WNT7A: variants seen among roughly 807,000 people sequenced by gnomAD.
The protein encoded by WNT7A is Wnt family member 7A.
WNT7A carries 16 observed loss-of-function variants against 28.2 expected under a neutral mutation model. That is an observed-to-expected ratio of 0.57 (90% CI 0.38 to 0.86). The LOEUF (loss-of-function observed/expected upper bound fraction) is 0.86, where lower values mean the gene tolerates loss of function less well. Among genes scored for constraint, WNT7A ranks in the 40% least tolerant of loss-of-function variants. WNT7A has a pLI of 0.00. For missense variants in WNT7A, 411 were observed against 489.7 expected (o/e 0.84, Z 1.52); for synonymous variants, 190 against 195.9 (o/e 0.97, Z 0.25).
chr3:13,819,022 G>A lies in WNT7A; in HGVS notation c.972C>T (p.Cys324=), dbSNP rs1275667778. ...NTHQYARVWQ[C]NCKFHWCCYV... ...AGCAGCACCAGTGGAACTTACAGTTGCACTGCCACACGCGGGCGTACTGGT... is the reference window on the plus strand; with the variant it reads ...AGCAGCACCAGTGGAACTTACAGTTACACTGCCACACGCGGGCGTACTGGT... Residue 324 remains cysteine, a synonymous_variant, in exon 4 of 4, where the codon TGC becomes TGT. Coordinates refer to ENST00000285018, the MANE Select transcript of WNT7A (RefSeq NM_004625.4). The A allele has an allele frequency of 1.2e-6, 2 of 1,612,198 alleles. No individual in the cohort carries two copies. The highest frequency in any genetic ancestry group is 8.5e-7 in the Non-Finnish European group (1 of 1,178,400).
chr3:13,831,271 C>T (rs148023862), intron 3 of WNT7A, among the ~76,000 whole-genome samples: 136 of 152,314 alleles, frequency 8.9e-4, no homozygotes, highest in Non-Finnish European at 1.2e-3. Context: ...GAGGTAGCTG[C>T]GGTGTCCAGT....
intron 3 of WNT7A, among the ~76,000 whole-genome samples, chr3:13,853,274 T>G (rs1307261932): frequency 6.6e-6 from 1 of 152,014 alleles, no homozygotes; most frequent in East Asian, 1.9e-4. Context: ...CAAGGCAAAC[T>G]CGGAGAAAAG....
chr3:13,874,457 A>G (rs1035186761), intron 2 of WNT7A, among the ~76,000 whole-genome samples: 1 of 152,178 alleles, frequency 6.6e-6, no homozygotes, highest in African/African-American at 2.4e-5. Context: ...ACAGGAATGC[A>G]CAGGACGGGC....
At chr3:13,819,573 G>A in intron 3 of WNT7A, 150 bp from the exon 4 acceptor site, 7 of 1,144,626 alleles carry the variant, frequency 6.1e-6, no homozygotes, top group Non-Finnish European at 8.4e-6. Context: ...CTCAGACCTG[G>A]ATTCTAGGCC....
At chr3:13,871,800 T>C (rs1040926381) in intron 2 of WNT7A, among the ~76,000 whole-genome samples, 5 of 152,108 alleles carry the variant, frequency 3.3e-5, no homozygotes, top group African/African-American at 1.2e-4. Flanking sequence ...AGAGTGATGC[T>C]GCTAAACCCA....
chr3:13,853,411 A>C (rs1186956046), intron 3 of WNT7A, among the ~76,000 whole-genome samples: 1 of 152,194 alleles, frequency 6.6e-6, no homozygotes. Context: ...CTTCGGCCCC[A>C]ACCTGCAGGG....
At chr3:13,821,393 T>G (rs1480503787) in intron 3 of WNT7A, among the ~76,000 whole-genome samples, 2 of 152,220 alleles carry the variant, frequency 1.3e-5, no homozygotes, top group Admixed American at 6.5e-5. Context: ...AGGATGCACA[T>G]GCCTATGACT....
In WNT7A at chr3:13,877,846, C is replaced by T. The variant is rs77482553; in HGVS notation, c.71+1900G>A. Among the ~76,000 whole-genome samples, 839 of 152,300 alleles carry T rather than the reference C, an allele frequency of 5.5e-3. 7 individuals are homozygous for T. Among genetic ancestry groups the T allele is most frequent in the African/African-American group, 0.019 (776 of 41,544 alleles). ...ATCTGATTGTTGCAATAGGCTAGTG[C>T]GGAGTCACCTGAACTATCCGAGCAA... is the stretch of plus-strand genomic sequence containing the variant. On this transcript the variant is annotated intron_variant, in intron 1 of 3. Transcript: ENST00000285018.
intron 3 of WNT7A, among the ~76,000 whole-genome samples, chr3:13,821,971 T>C (rs1174619403): frequency 6.6e-6 from 1 of 152,254 alleles, no homozygotes; most frequent in African/African-American, 2.4e-5. Context: ...ATACAATCAA[T>C]GGCCAACAAG....
At chr3:13,822,745 A>T (rs867324862) in intron 3 of WNT7A, among the ~76,000 whole-genome samples, 1 of 152,234 alleles carries the variant, frequency 6.6e-6, no homozygotes, top group Non-Finnish European at 1.5e-5. Flanking sequence ...TTGTTTTCTT[A>T]AAAAAGGCAA....
chr3:13,862,549 C>G (rs1694847516), intron 2 of WNT7A, among the ~76,000 whole-genome samples: 1 of 152,254 alleles, frequency 6.6e-6, no homozygotes. Flanking sequence ...CGCTTGCCAG[C>G]CCCGTGGCAT....
In WNT7A at chr3:13,817,118, G is replaced by A. The variant is rs533188875; in HGVS notation, c.*1826C>T. ...CTGTGCTGTGGTCTCAGAGGTGTCTGGTTTTCACCCATGGGTGTGGGGACA... is the reference window on the plus strand; with the variant it reads ...CTGTGCTGTGGTCTCAGAGGTGTCTAGTTTTCACCCATGGGTGTGGGGACA... On this transcript the variant is annotated 3_prime_UTR_variant, in exon 4 of 4. Transcript: ENST00000285018. The A allele has an allele frequency of 6.6e-6, 1 of 152,354 alleles. No homozygotes were observed. Among genetic ancestry groups the A allele is most frequent in the African/African-American group, 2.4e-5 (1 of 41,536 alleles). 9.4% of individuals were successfully genotyped at this position (152,354 alleles called of 1,614,324 possible). A position where few individuals can be genotyped will look rare whatever the true frequency, so the allele number is the denominator to read the frequency against.
chr3:13,842,264 G>C (rs763619114), intron 3 of WNT7A, among the ~76,000 whole-genome samples: 1 of 152,188 alleles, frequency 6.6e-6, no homozygotes, highest in Non-Finnish European at 1.5e-5. Flanking sequence ...TAAGACCCTG[G>C]GGTAAGGGGA....
chr3:13,874,267 C>T (rs1695068616), intron 2 of WNT7A, among the ~76,000 whole-genome samples: 1 of 152,228 alleles, frequency 6.6e-6, no homozygotes, highest in African/African-American at 2.4e-5. Flanking sequence ...TGCCACTGAC[C>T]AGGGCCTCCT....
intron 2 of WNT7A, among the ~76,000 whole-genome samples, chr3:13,871,970 C>T (rs1456999800): frequency 6.6e-6 from 1 of 152,126 alleles, no homozygotes; most frequent in East Asian, 1.9e-4. Context: ...CCACCCCAGC[C>T]CCTCGCTGTT....
intron 2 of WNT7A, among the ~76,000 whole-genome samples, chr3:13,872,257 T>A (rs1404833885): frequency 6.6e-6 from 1 of 152,212 alleles, no homozygotes; most frequent in Non-Finnish European, 1.5e-5. Context: ...AATGGATTCC[T>A]ATTCCTATTA....
intron 3 of WNT7A, among the ~76,000 whole-genome samples, chr3:13,823,937 G>T (rs1464960187): frequency 6.6e-6 from 1 of 152,134 alleles, no homozygotes; most frequent in Non-Finnish European, 1.5e-5. Flanking sequence ...TCTCTATACA[G>T]CCCCCGGATT....
At chr3:13,852,337 C>G (rs190664903) in intron 3 of WNT7A, among the ~76,000 whole-genome samples, 3 of 152,192 alleles carry the variant, frequency 2.0e-5, no homozygotes, top group South Asian at 4.1e-4. Context: ...CGAGCCTTTC[C>G]GAGGCTCTCA....
rs367697256 is a variant in WNT7A at position 13,854,703 on chromosome 3, G to A, written c.399C>T (p.Cys133=). 1.7e-4 allele frequency: 281 copies of A among 1,614,000 alleles called. 1 individual carries two copies. In the Admixed American group the frequency reaches 4.5e-3, roughly 26 times the overall value. ...CTQGNLSDCG[C]DKEKQGQYHR... is the part of the protein sequence containing the mutation. ...GGTACTGGCCTTGCTTCTCTTTGTC[G>A]CAGCCACAGTCGCTCAGGTTGCCCT... The change falls in exon 3 of 4, where the codon TGC becomes TGT. Residue 133 remains cysteine (C), a synonymous_variant. Coordinates refer to ENST00000285018, the MANE Select transcript of WNT7A (RefSeq NM_004625.4).
Sources: allele counts gnomAD v4.1 joint callset (sites outside exome capture counted in the v4.1 genomes callset), GRCh38; gene constraint gnomAD v4.1.1; transcripts MANE v1.5; gene names NCBI Gene and HGNC (gene_info 2026-07-23, HGNC 2026-07-21).